The following GPM6A variants were observed in gnomAD, a reference collection of about 807,000 sequenced individuals.
GPM6A encodes the protein neuronal membrane glycoprotein M6-a.
GPM6A carries 7 observed loss-of-function variants against 32.1 expected under a neutral mutation model. The observed-to-expected ratio is 0.22, with a 90% CI of 0.12 to 0.41. The LOEUF (loss-of-function observed/expected upper bound fraction) is 0.41, where lower values mean the gene tolerates loss of function less well. Ranked by LOEUF, GPM6A falls within the 10% of genes least tolerant of loss-of-function variation. The probability of loss-of-function intolerance (pLI) is 1.00; values close to 1 mark genes in which losing one functional copy is unlikely to be tolerated. For missense variants in GPM6A, 235 were observed against 347.2 expected, an observed-to-expected ratio of 0.68 and a Z score of 2.57; for synonymous variants, 130 against 123.4, an observed-to-expected ratio of 1.05 and a Z score of -0.35.
chr4:175,708,720 T>C (rs1745356428), intron 1 of GPM6A, among the ~76,000 whole-genome samples: 1 of 152,058 alleles, frequency 6.6e-6, no homozygotes, highest in African/African-American at 2.4e-5. Context: ...CCAAAATAGA[T>C]TGAGATAGAG....
intron 2 of GPM6A, among the ~76,000 whole-genome samples, chr4:175,675,092 T>A (rs1006052412): frequency 6.6e-6 from 1 of 152,226 alleles, no homozygotes; most frequent in African/African-American, 2.4e-5. Context: ...AGTTCATTTA[T>A]GAATGAAGAT....
At chr4:175,822,987 G>A (rs1343476988) in intron 1 of GPM6A, among the ~76,000 whole-genome samples, 2 of 152,082 alleles carry the variant, frequency 1.3e-5, no homozygotes, top group Non-Finnish European at 2.9e-5. Flanking sequence ...ATAATAAGTT[G>A]GTTACCACTA....
At chr4:175,772,789 A>G (rs1169504369) in intron 1 of GPM6A, among the ~76,000 whole-genome samples, 2 of 152,138 alleles carry the variant, frequency 1.3e-5, no homozygotes, top group Non-Finnish European at 2.9e-5. Context: ...ACCAAAATAC[A>G]AAGAGAGACA....
At chr4:175,760,869 A>G (rs935677066) in intron 1 of GPM6A, among the ~76,000 whole-genome samples, 5 of 152,198 alleles carry the variant, frequency 3.3e-5, no homozygotes, top group African/African-American at 1.2e-4. Context: ...AACAGTAATA[A>G]TAGACAATCA....
At chr4:175,893,109 C>CA (rs1737694884) in intron 1 of GPM6A, among the ~76,000 whole-genome samples, 2 of 152,194 alleles carry the variant, frequency 1.3e-5, no homozygotes, top group Non-Finnish European at 2.9e-5. Context: ...GGGTCTCCCC[C>CA]ATGGATAAGA....
intron 1 of GPM6A, among the ~76,000 whole-genome samples, chr4:175,971,531 A>G (rs1740501884): frequency 6.6e-6 from 1 of 152,112 alleles, no homozygotes; most frequent in South Asian, 2.1e-4. Context: ...TCCCTAAATT[A>G]GCCCCCTCCC....
intron 2 of GPM6A, among the ~76,000 whole-genome samples, chr4:175,677,751 G>T (rs916174318): frequency 1.1e-4 from 16 of 152,006 alleles, no homozygotes; most frequent in Non-Finnish European, 2.2e-4. Flanking sequence ...GATAATATCT[G>T]CTAAATAAAT....
upstream of GPM6A, among the ~76,000 whole-genome samples, chr4:175,815,024 T>C (rs892836141): frequency 6.6e-6 from 1 of 152,162 alleles, no homozygotes; most frequent in African/African-American, 2.4e-5. Flanking sequence ...TTCTCTTTTT[T>C]TTTTGAGATG....
intron 1 of GPM6A, among the ~76,000 whole-genome samples, chr4:175,879,315 C>T (rs549321239): frequency 1.3e-5 from 2 of 152,296 alleles, no homozygotes; most frequent in East Asian, 1.9e-4. Context: ...GCACCCCACT[C>T]CTGGTGCCAA....
intron 1 of GPM6A, among the ~76,000 whole-genome samples, chr4:175,720,091 G>A (rs2644004): frequency 0.49 from 74,118 of 151,800 alleles, 18,884 homozygotes; most frequent in Middle Eastern, 0.56. Context: ...TTATCCCATT[G>A]CCTAAATACT....
chr4:175,702,496 T>C (rs2111067242), intron 1 of GPM6A, among the ~76,000 whole-genome samples: 2 of 152,284 alleles, frequency 1.3e-5, no homozygotes, highest in East Asian at 3.9e-4. Context: ...TAGTATGTTG[T>C]GAAGTTAACC....
intron 1 of GPM6A, among the ~76,000 whole-genome samples, chr4:175,772,584 G>T (rs1190741397): frequency 1.3e-5 from 2 of 152,026 alleles, no homozygotes; most frequent in African/African-American, 4.8e-5. Context: ...TTGAGCCTCA[G>T]GTCTTCCTAA....
chr4:175,947,463 T>G (rs1465987856), intron 1 of GPM6A, among the ~76,000 whole-genome samples: 1 of 152,050 alleles, frequency 6.6e-6, no homozygotes, highest in Non-Finnish European at 1.5e-5. Flanking sequence ...TAATATTTAT[T>G]AAGTGTAATA....
chr4:175,708,693 T>G (rs1323245288), intron 1 of GPM6A, among the ~76,000 whole-genome samples: 1 of 152,084 alleles, frequency 6.6e-6, no homozygotes. Flanking sequence ...TAAGGAAAAT[T>G]TAAGAGACCA....
chr4:175,768,200 G>A (rs1309812299), intron 1 of GPM6A, among the ~76,000 whole-genome samples: 1 of 152,078 alleles, frequency 6.6e-6, no homozygotes, highest in African/African-American at 2.4e-5. Context: ...AAAATTCTAA[G>A]AAAAAGCTTT....
At chr4:175,656,457 A>C (rs1742090290) in intron 3 of GPM6A, among the ~76,000 whole-genome samples, 1 of 152,156 alleles carries the variant, frequency 6.6e-6, no homozygotes, top group African/African-American at 2.4e-5. Flanking sequence ...AATTGTTACG[A>C]ATTATTTCTT....
At chr4:175,813,459 G>A (rs559474381), upstream of GPM6A, among the ~76,000 whole-genome samples, 3 of 152,142 alleles carry the variant, frequency 2.0e-5, no homozygotes, top group East Asian at 5.8e-4. Flanking sequence ...CTTTCCTAGA[G>A]TAGAAAGAAA....
intron 3 of GPM6A, among the ~76,000 whole-genome samples, chr4:175,657,519 T>A (rs1158479245): frequency 1.3e-5 from 2 of 152,312 alleles, no homozygotes; most frequent in Non-Finnish European, 2.9e-5. Context: ...TTATTTGATC[T>A]TCAACTTTAG....
intron 1 of GPM6A, among the ~76,000 whole-genome samples, chr4:175,880,367 T>A (rs1737230879): frequency 6.6e-6 from 1 of 152,294 alleles, no homozygotes; most frequent in Non-Finnish European, 1.5e-5. Context: ...CTTGGCAATG[T>A]GGGCTATTTT....
Sources: allele counts gnomAD v4.1 joint callset (sites outside exome capture counted in the v4.1 genomes callset), GRCh38; gene constraint gnomAD v4.1.1; transcripts MANE v1.5; gene names NCBI Gene and HGNC (gene_info 2026-07-23, HGNC 2026-07-21).